Variants in KCNU1 observed in about 807,000 individuals in gnomAD.
KCNU1 encodes potassium channel subfamily U member 1.
In KCNU1, 93 loss-of-function variants were observed where a neutral mutation model predicts 126.8. The ratio of observed to expected loss-of-function variants is 0.73; its 90% CI spans 0.62 to 0.87. The LOEUF is 0.87. Among genes scored for constraint, KCNU1 ranks in the 40% least tolerant of loss-of-function variants. KCNU1 has a pLI of 0.00. For synonymous variants in KCNU1, 523 were observed against 494.2 expected, an observed-to-expected ratio of 1.06 and a Z score of -0.77; for missense variants, 1,330 against 1,367.1, an observed-to-expected ratio of 0.97 and a Z score of 0.43.
chr8:36,903,118 C>A (rs754334363), intron 19 of KCNU1, among the ~76,000 whole-genome samples: 2 of 152,050 alleles, frequency 1.3e-5, no homozygotes, highest in African/African-American at 2.4e-5. Flanking sequence ...ATCCCGTTCC[C>A]CCTACCCTGG....
intron 18 of KCNU1, among the ~76,000 whole-genome samples, chr8:36,847,616 G>T (rs1380485663): frequency 6.6e-6 from 1 of 152,068 alleles, no homozygotes; most frequent in African/African-American, 2.4e-5. Context: ...ATATCCTCCA[G>T]TCTCATACAT....
At chr8:36,829,246 T>G (rs1326831684) in intron 10 of KCNU1, among the ~76,000 whole-genome samples, 1 of 152,114 alleles carries the variant, frequency 6.6e-6, no homozygotes, top group Admixed American at 6.6e-5. Context: ...ATTACATATC[T>G]TCTGATGCTT....
chr8:36,784,941 A>C (rs1340309477), intron 1 of KCNU1, among the ~76,000 whole-genome samples: 1 of 152,246 alleles, frequency 6.6e-6, no homozygotes, highest in Non-Finnish European at 1.5e-5. Context: ...TAACAAGACA[A>C]TTGTGCTAGG....
At chr8:36,873,098 C>A (rs11779157) in intron 19 of KCNU1, among the ~76,000 whole-genome samples, 77,883 of 151,594 alleles carry the variant, frequency 0.51, 21,194 homozygotes, top group East Asian at 0.72. Context: ...AACTAACCAA[C>A]CAAACAAACA....
At chr8:36,847,789 A>G (rs551844475) in intron 18 of KCNU1, among the ~76,000 whole-genome samples, 1 of 152,314 alleles carries the variant, frequency 6.6e-6, no homozygotes, top group African/African-American at 2.4e-5. Flanking sequence ...GGAAGTGCAG[A>G]TATCTTTTTG....
intron 18 of KCNU1, among the ~76,000 whole-genome samples, chr8:36,852,700 T>C (rs117687771): frequency 0.028 from 4,305 of 152,254 alleles, 88 homozygotes; most frequent in Non-Finnish European, 0.043. Context: ...TGTATACTTA[T>C]GTGTACATAT....
intron 2 of KCNU1, chr8:36,795,599 G>A (rs1389976469): frequency 1.3e-5 from 2 of 152,442 alleles, no homozygotes; most frequent in East Asian, 3.9e-4. Flanking sequence ...GAAGCAGTGT[G>A]GTACTTTCCA....
intron 10 of KCNU1, among the ~76,000 whole-genome samples, chr8:36,832,540 G>T (rs1478050034): frequency 6.6e-6 from 1 of 151,912 alleles, no homozygotes; most frequent in Non-Finnish European, 1.5e-5. Context: ...GTCTACTTTT[G>T]TTATTTTTTA....
intron 24 of KCNU1, among the ~76,000 whole-genome samples, chr8:36,927,738 T>G (rs555796654): frequency 2.0e-5 from 3 of 152,272 alleles, no homozygotes; most frequent in African/African-American, 7.2e-5. Flanking sequence ...ACATTCACGG[T>G]AGCTGAAAGT....
At chr8:36,803,992 G>T (rs1398524495) in intron 2 of KCNU1, 35 bp from the exon 3 acceptor site, 16 of 1,396,166 alleles carry the variant, frequency 1.1e-5, no homozygotes, top group Non-Finnish European at 1.6e-5. Context: ...CAAATGAAGT[G>T]GATTTAGACA....
intron 12 of KCNU1, 36 bp from the exon 13 acceptor site, chr8:36,836,260 A>T (rs1272164886): frequency 7.5e-7 from 1 of 1,334,516 alleles, no homozygotes; most frequent in Non-Finnish European, 1.1e-6. Context: ...TTTGGCTATG[A>T]CACATGACTA....
chr8:36,867,011 G>A lies in KCNU1; in HGVS notation c.2009+2490G>A, dbSNP rs138547337. On this transcript the variant is annotated intron_variant, in intron 19 of 26. Coordinates refer to ENST00000399881, the MANE Select transcript of KCNU1 (RefSeq NM_001031836.3). ...AAATATGTACAAATATTATGCATCA[G>A]TACAAATATACAGAAAAGAGAGGTT... 8.5e-3 allele frequency among the ~76,000 whole-genome samples: 1,296 copies of A among 152,128 alleles called. 18 individuals carry two copies. The highest frequency in any genetic ancestry group is 0.03 in the African/African-American group (1,239 of 41,508).
At chr8:36,863,486 G>A (rs993509984) in intron 18 of KCNU1, among the ~76,000 whole-genome samples, 1 of 152,170 alleles carries the variant, frequency 6.6e-6, no homozygotes, top group African/African-American at 2.4e-5. Context: ...TGATCACCAA[G>A]CAATCAGGTT....
intron 20 of KCNU1, 147 bp downstream of exon 20, chr8:36,905,951 C>A: frequency 1.9e-6 from 1 of 539,002 alleles, no homozygotes; most frequent in Non-Finnish European, 3.3e-6. Context: ...CCCTCACCAG[C>A]CATAAGAATA....
At chr8:36,821,096 A>G (rs906318433) in intron 10 of KCNU1, among the ~76,000 whole-genome samples, 1 of 152,218 alleles carries the variant, frequency 6.6e-6, no homozygotes, top group Non-Finnish European at 1.5e-5. Context: ...TGAAAAAAAG[A>G]AATGCTTCTG....
chr8:36,820,912 A>G lies in KCNU1; in HGVS notation c.1106+3152A>G, dbSNP rs116003161. On this transcript the variant is annotated intron_variant, in intron 10 of 26. Coordinates refer to ENST00000399881, the MANE Select transcript of KCNU1 (RefSeq NM_001031836.3). ...CAGACATTCTTCTCGGAAGCCTGAC[A>G]TTGTCAAAGTGGAGAGAGATCTGTC... Among the ~76,000 whole-genome samples, 757 of 152,314 alleles carry G rather than the reference A, an allele frequency of 5.0e-3. 10 individuals are homozygous for G. Among genetic ancestry groups the G allele is most frequent in the African/African-American group, 0.017 (718 of 41,576 alleles).
chr8:36,873,582 T>C (rs1806179038), intron 19 of KCNU1, among the ~76,000 whole-genome samples: 1 of 152,124 alleles, frequency 6.6e-6, no homozygotes, highest in Non-Finnish European at 1.5e-5. Flanking sequence ...TAAGAGAGGG[T>C]TAAGAAAAGG....
At chr8:36,833,691 T>C in intron 11 of KCNU1, 32 bp downstream of exon 11, 1 of 1,279,890 alleles carries the variant, frequency 7.8e-7, no homozygotes, top group Non-Finnish European at 1.1e-6. Context: ...TCCTTGTAGT[T>C]TTCCTTAGTT....
At chr8:36,814,074 T>G (rs957197115) in intron 7 of KCNU1, 133 bp from the exon 8 acceptor site, 2 of 661,186 alleles carry the variant, frequency 3.0e-6, no homozygotes, top group African/African-American at 3.6e-5. Context: ...AAACTCTTCA[T>G]AGCAACCTGA....
Sources: gnomAD v4.1 joint callset for allele counts (sites outside exome capture counted in the v4.1 genomes callset) on GRCh38, gnomAD v4.1.1 for gene constraint, MANE v1.5 for transcripts, NCBI Gene and HGNC (gene_info 2026-07-23, HGNC 2026-07-21) for gene names.